Variants in SLC16A10 observed in about 807,000 individuals in gnomAD.
The protein encoded by SLC16A10 is monocarboxylate transporter 10.
Under a neutral mutation model 40.0 loss-of-function variants are expected in SLC16A10, and 27 were observed. The observed-to-expected ratio is 0.67, with a 90% CI of 0.50 to 0.93. The LOEUF is 0.93. Among genes scored for constraint, SLC16A10 ranks in the 40% least tolerant of loss-of-function variants. The pLI is 0.00. For synonymous variants in SLC16A10, 213 were observed against 249.8 expected, an observed-to-expected ratio of 0.85 and a Z score of 1.39; for missense variants, 529 against 658.2, an observed-to-expected ratio of 0.80 and a Z score of 2.15.
At chr6:111,110,103 A>G (rs963768877) in intron 1 of SLC16A10, among the ~76,000 whole-genome samples, 2 of 152,130 alleles carry the variant, frequency 1.3e-5, no homozygotes, top group African/African-American at 2.4e-5. Flanking sequence ...AATATGGCTG[A>G]TATTTCCTAT....
chr6:111,123,957 G>T (rs1295547602), intron 1 of SLC16A10, among the ~76,000 whole-genome samples: 1 of 152,138 alleles, frequency 6.6e-6, no homozygotes, highest in Non-Finnish European at 1.5e-5. Context: ...GTCAATCCTG[G>T]ATCAGAAGGG....
chr6:111,103,608 G>T (rs1387750548), intron 1 of SLC16A10, among the ~76,000 whole-genome samples: 1 of 152,138 alleles, frequency 6.6e-6, no homozygotes, highest in East Asian at 1.9e-4. Context: ...GGTCATGAGG[G>T]GAAACAAAAT....
At chr6:111,106,394 A>C (rs1467968982) in intron 1 of SLC16A10, among the ~76,000 whole-genome samples, 1 of 152,190 alleles carries the variant, frequency 6.6e-6, no homozygotes, top group Admixed American at 6.5e-5. Flanking sequence ...TTTGATTAGG[A>C]AACAAATATT....
intron 1 of SLC16A10, among the ~76,000 whole-genome samples, chr6:111,169,229 G>T (rs2114537719): frequency 6.6e-6 from 1 of 152,288 alleles, no homozygotes; most frequent in African/African-American, 2.4e-5. Flanking sequence ...GGAGGAGAAG[G>T]GTAGCCTGGA....
chr6:111,119,833 A>T (rs1771552534), intron 1 of SLC16A10, among the ~76,000 whole-genome samples: 2 of 152,244 alleles, frequency 1.3e-5, no homozygotes. Flanking sequence ...ACTGGTTTAG[A>T]AACCATAATA....
chr6:111,174,274 G>A (rs954356083), intron 2 of SLC16A10, among the ~76,000 whole-genome samples: 1 of 151,894 alleles, frequency 6.6e-6, no homozygotes, highest in African/African-American at 2.4e-5. Flanking sequence ...GCGTTAATGT[G>A]GTCATTAAGG....
At chr6:111,101,531 C>G (rs1294935439) in intron 1 of SLC16A10, among the ~76,000 whole-genome samples, 1 of 152,176 alleles carries the variant, frequency 6.6e-6, no homozygotes, top group Non-Finnish European at 1.5e-5. Flanking sequence ...AGCTTCAGGT[C>G]AGTTCAGATC....
At chr6:111,178,474 A>G in intron 3 of SLC16A10, 1 of 529,432 alleles carries the variant, frequency 1.9e-6, no homozygotes, top group Non-Finnish European at 3.9e-6. Flanking sequence ...TCACGCCTGT[A>G]ATCCCACCAC....
At chr6:111,088,165 G>A in intron 1 of SLC16A10, 70 bp downstream of exon 1, 1 of 1,485,342 alleles carries the variant, frequency 6.7e-7, no homozygotes, top group Non-Finnish European at 9.2e-7. Context: ...TCCCGCGTGT[G>A]GGCTGTGTCT....
chr6:111,104,827 T>A (rs924080382), intron 1 of SLC16A10, among the ~76,000 whole-genome samples: 1 of 151,890 alleles, frequency 6.6e-6, no homozygotes, highest in Non-Finnish European at 1.5e-5. Context: ...TCTACTGAAA[T>A]CATTATATTT....
rs527633412 is a variant in SLC16A10, at chr6:111,172,878, G to C, written c.488+39G>C. The stretch of plus-strand genomic sequence containing the variant: ...TTTTTCATGTTGCTTTTTAAAAACT[G>C]TTAGATACCTTAAAGTTTTACTTTC... On this transcript the variant is annotated intron_variant, in intron 2 of 5. Transcript: ENST00000368851. 3.1e-5 allele frequency: 50 copies of C among 1,598,420 alleles called. 1 individual carries two copies. In the South Asian group the frequency reaches 5.4e-4, roughly 17 times the overall value.
At chr6:111,089,188 T>G (rs1228071073) in intron 1 of SLC16A10, among the ~76,000 whole-genome samples, 1 of 152,176 alleles carries the variant, frequency 6.6e-6, no homozygotes, top group Non-Finnish European at 1.5e-5. Flanking sequence ...TGGGCAAGAC[T>G]GTAATAAATT....
chr6:111,128,910 T>G (rs1421783977), intron 1 of SLC16A10, among the ~76,000 whole-genome samples: 1 of 132,948 alleles, frequency 7.5e-6, no homozygotes, highest in Non-Finnish European at 1.8e-5. Context: ...TTCATATTCA[T>G]TTCAATTGTT....
chr6:111,212,749 T>C, intron 4 of SLC16A10, among the ~76,000 whole-genome samples: 1 of 150,430 alleles, frequency 6.6e-6, no homozygotes, highest in Non-Finnish European at 1.5e-5. Context: ...GCTGTGATCA[T>C]GCCACTGCAT....
intron 1 of SLC16A10, among the ~76,000 whole-genome samples, chr6:111,168,662 G>C (rs1772523688): frequency 6.6e-6 from 1 of 152,126 alleles, no homozygotes; most frequent in Non-Finnish European, 1.5e-5. Context: ...ATTTATTCTT[G>C]AATTTGATCA....
chr6:111,161,121 A>G lies in SLC16A10; in HGVS notation c.344-11574A>G, dbSNP rs113365338. On this transcript the variant is annotated intron_variant, in intron 1 of 5. Coordinates refer to ENST00000368851, the MANE Select transcript of SLC16A10 (RefSeq NM_018593.5). ...ACCTGTAGTCCCAACTACTTGGTAG[A>G]CTGAGGCAGAAGAATTGCTGGAACC... Among the ~76,000 whole-genome samples, 381 of 145,638 alleles carry G rather than the reference A, an allele frequency of 2.6e-3. 1 individual carries two copies. Among genetic ancestry groups the G allele is most frequent in the African/African-American group, 9.0e-3 (360 of 39,998 alleles).
chr6:111,128,658 G>A (rs1393641813), intron 1 of SLC16A10, among the ~76,000 whole-genome samples: 1 of 152,120 alleles, frequency 6.6e-6, no homozygotes, highest in African/African-American at 2.4e-5. Context: ...AGGAGAGAAC[G>A]AATACCTCTG....
chr6:111,207,404 G>A (rs1011065023), intron 4 of SLC16A10, among the ~76,000 whole-genome samples: 1 of 152,106 alleles, frequency 6.6e-6, no homozygotes, highest in East Asian at 1.9e-4. Context: ...TTGCCTCCTC[G>A]TGTTTTGGGG....
chr6:111,114,181 G>C (rs779017336), intron 1 of SLC16A10, among the ~76,000 whole-genome samples: 4 of 152,110 alleles, frequency 2.6e-5, no homozygotes, highest in Non-Finnish European at 5.9e-5. Flanking sequence ...CCTTTAGCAA[G>C]CATAGGACTT....
Sources: allele counts gnomAD v4.1 joint callset (sites outside exome capture counted in the v4.1 genomes callset), GRCh38; gene constraint gnomAD v4.1.1; transcripts MANE v1.5; gene names NCBI Gene and HGNC (gene_info 2026-07-23, HGNC 2026-07-21).